Variants in NCAM1 observed in about 807,000 individuals in gnomAD.
The protein encoded by NCAM1 is neural cell adhesion molecule 1.
NCAM1 carries 14 observed loss-of-function variants against 109.8 expected under a neutral mutation model. That is an observed-to-expected ratio of 0.13 (90% confidence interval 0.08 to 0.20). The LOEUF (loss-of-function observed/expected upper bound fraction) is 0.20. Among genes scored for constraint, NCAM1 ranks in the 10% least tolerant of loss-of-function variants. NCAM1 has a pLI of 1.00. For missense variants in NCAM1, 774 were observed against 1,109.9 expected (o/e 0.70, Z 4.30); for synonymous variants, 418 against 442.9 (o/e 0.94, Z 0.70).
At position 112,963,321 on chromosome 11, in the gene NCAM1, G is replaced by T. The variant is rs964924756; in HGVS notation, c.52+1657G>T. The stretch of plus-strand genomic sequence containing the variant: ...GAGTGCTCCTGGTCCGGCCGCCCGT[G>T]CTCGCCCACTCTCGCCTCTTTCACG... On this transcript the variant is annotated intron_variant, in intron 1 of 19. Coordinates refer to ENST00000316851, the MANE Select transcript of NCAM1 (RefSeq NM_181351.5). This position sits in a 1 kb window ranked among gnomAD's most constrained non-coding sequence, Gnocchi z 4.6. 8 of 152,400 alleles carry T rather than the reference G, an allele frequency of 5.2e-5. No individual in the cohort carries two copies. Among genetic ancestry groups the T allele is most frequent in the Non-Finnish European group, 1.2e-4 (8 of 68,180 alleles). The allele number at this position is 152,400 out of a possible 1,614,324, so 9.4% of individuals were successfully genotyped here. A position where few individuals can be genotyped will look rare whatever the true frequency, so the allele number is the denominator to read the frequency against.
rs1555081408 is a variant in NCAM1, at chr11:113,049,302, C to G, written c.52+87638C>G. The stretch of plus-strand genomic sequence containing the variant: ...TCAACTCCCTGGCCTTCACTCCAAG[C>G]TGTGATTCATCCCGGGCCTGATTCA... On this transcript the variant is annotated intron_variant, in intron 1 of 19. Transcript: ENST00000316851. Among the ~76,000 whole-genome samples, 3 of 152,184 alleles carry G rather than the reference C, an allele frequency of 2.0e-5. 1 individual carries two copies. The highest frequency in any genetic ancestry group is 7.2e-5 in the African/African-American group (3 of 41,436).
intron 15 of NCAM1, among the ~76,000 whole-genome samples, chr11:113,250,929 C>G (rs1555121166): frequency 6.6e-6 from 1 of 152,184 alleles, no homozygotes; most frequent in East Asian, 1.9e-4. Context: ...TCCTGCGTAG[C>G]TGGGATTACA....
chr11:113,065,661 C>T (rs1555084086), intron 1 of NCAM1, among the ~76,000 whole-genome samples: 1 of 152,148 alleles, frequency 6.6e-6, no homozygotes, highest in Admixed American at 6.5e-5. Context: ...GCCAGTACTC[C>T]TCAAATCTGT....
chr11:113,074,631 AATTTT>A (rs1473433212), intron 1 of NCAM1, among the ~76,000 whole-genome samples: 14 of 152,114 alleles, frequency 9.2e-5, no homozygotes, highest in African/African-American at 3.4e-4. Flanking sequence ...AATTTTATTC[AATTTT>A]ATTTTATTTT....
At chr11:113,027,685 C>T (rs1307376902) in intron 1 of NCAM1, among the ~76,000 whole-genome samples, 1 of 152,168 alleles carries the variant, frequency 6.6e-6, no homozygotes, top group African/African-American at 2.4e-5. Context: ...TCACCCTGAA[C>T]TGTCAAATCT....
chr11:113,195,094 A>G (rs1336917105), intron 1 of NCAM1, among the ~76,000 whole-genome samples: 1 of 152,234 alleles, frequency 6.6e-6, no homozygotes, highest in Non-Finnish European at 1.5e-5. Flanking sequence ...CATTATACTG[A>G]AACAGAAGCC....
intron 1 of NCAM1, among the ~76,000 whole-genome samples, chr11:113,036,353 C>T (rs1952884768): frequency 6.6e-6 from 1 of 152,114 alleles, no homozygotes; most frequent in Non-Finnish European, 1.5e-5. Context: ...CAGCACTCCA[C>T]CACCCTGAAC....
chr11:113,033,769 A>C (rs1459666484), intron 1 of NCAM1, among the ~76,000 whole-genome samples: 1 of 152,220 alleles, frequency 6.6e-6, no homozygotes, highest in Non-Finnish European at 1.5e-5. Context: ...CTGTGTTCAC[A>C]GCATTGTAAC....
chr11:113,128,662 C>T (rs2016905), intron 1 of NCAM1, among the ~76,000 whole-genome samples: 9,387 of 152,192 alleles, frequency 0.062, 588 homozygotes, highest in African/African-American at 0.16. Flanking sequence ...GACTTACTCA[C>T]ATCTCTGTGC....
At chr11:113,235,246 T>C in intron 14 of NCAM1, 82 bp downstream of exon 14, 7 of 1,610,082 alleles carry the variant, frequency 4.3e-6, no homozygotes, top group Non-Finnish European at 5.9e-6. Flanking sequence ...CTGGCCCATG[T>C]CATTGTTCAG....
intron 1 of NCAM1, among the ~76,000 whole-genome samples, chr11:113,112,586 TA>T (rs1180137826): frequency 6.6e-6 from 1 of 152,142 alleles, no homozygotes; most frequent in African/African-American, 2.4e-5. Flanking sequence ...AGGTTTCCTA[TA>T]ATGAAAAATA....
intron 17 of NCAM1, among the ~76,000 whole-genome samples, chr11:113,266,300 C>T (rs899134409): frequency 6.6e-6 from 1 of 152,212 alleles, no homozygotes. Flanking sequence ...TCTTCACAGC[C>T]TCTTTTTTGT....
intron 15 of NCAM1, among the ~76,000 whole-genome samples, chr11:113,251,825 C>T (rs1945688164): frequency 6.6e-6 from 1 of 152,220 alleles, no homozygotes; most frequent in Admixed American, 6.5e-5. Flanking sequence ...TCAGGACTCT[C>T]TCAGGCATTT....
At chr11:113,045,842 G>C (rs1477526641) in intron 1 of NCAM1, among the ~76,000 whole-genome samples, 3 of 151,586 alleles carry the variant, frequency 2.0e-5, no homozygotes, top group Non-Finnish European at 4.4e-5. Flanking sequence ...TTGGATAAAA[G>C]AGTTTTTTTT....
At chr11:113,000,336 G>A (rs1951712897) in intron 1 of NCAM1, among the ~76,000 whole-genome samples, 1 of 152,136 alleles carries the variant, frequency 6.6e-6, no homozygotes, top group South Asian at 2.1e-4. Context: ...TGACAGTTGT[G>A]ATAAGTGCTG....
intron 1 of NCAM1, among the ~76,000 whole-genome samples, chr11:113,105,244 T>A (rs1447573133): frequency 1.3e-5 from 2 of 152,214 alleles, no homozygotes; most frequent in Non-Finnish European, 2.9e-5. Context: ...CAGAGAGTTC[T>A]GCTGTGCAGC....
At chr11:113,074,980 T>A (rs545672362) in intron 1 of NCAM1, among the ~76,000 whole-genome samples, 5 of 152,204 alleles carry the variant, frequency 3.3e-5, no homozygotes, top group South Asian at 4.1e-4. Context: ...AACAGCTTCA[T>A]GTGGCTCATG....
intron 1 of NCAM1, among the ~76,000 whole-genome samples, chr11:113,165,996 T>A (rs929731363): frequency 2.9e-5 from 4 of 138,822 alleles, no homozygotes; most frequent in South Asian, 4.4e-4. Context: ...ATTTTTTTTT[T>A]ATTTTTACTT....
In NCAM1 at chr11:113,202,399, G is replaced by A. The variant is rs377030084; in HGVS notation, c.73G>A (p.Val25Ile). Reference protein sequence around the residue: ...GTAVSLQVDIVPSQGEISVGE... With the variant: ...GTAVSLQVDIIPSQGEISVGE... The stretch of plus-strand genomic sequence containing the variant: ...TTCAGTTTCTCTGCAGGTGGATATT[G>A]TTCCCAGCCAGGGGGAGATCAGCGT... Residue 25 changes from valine to isoleucine, a missense_variant, in exon 2 of 20, where the codon GTT becomes ATT. Coordinates refer to ENST00000316851, the MANE Select transcript of NCAM1 (RefSeq NM_181351.5). 2.5e-6 allele frequency: 4 copies of A among 1,611,360 alleles called. No homozygotes were observed. Among genetic ancestry groups the A allele is most frequent in the African/African-American group, 1.3e-5 (1 of 74,624 alleles).
Sources: gnomAD v4.1 joint callset for allele counts (sites outside exome capture counted in the v4.1 genomes callset) on GRCh38, gnomAD v4.1.1 for gene constraint, Gnocchi (gnomAD v3.1) non-coding constraint, MANE v1.5 for transcripts, NCBI Gene and HGNC (gene_info 2026-07-23, HGNC 2026-07-21) for gene names.